Variants in LYPLA1 observed in about 807,000 individuals in gnomAD.
LYPLA1 encodes the protein lysophospholipase 1, also known as acyl-protein thioesterase 1.
A neutral mutation model predicts 34.0 loss-of-function variants in LYPLA1; 17 were observed. That is an observed-to-expected ratio of 0.50 (90% CI 0.34 to 0.75). The LOEUF is 0.75. LYPLA1 is among the 30% of genes least tolerant of loss of function. The probability of loss-of-function intolerance (pLI) is 0.01; values close to 1 mark genes in which losing one functional copy is unlikely to be tolerated. For missense variants in LYPLA1, 203 were observed against 288.8 expected, an observed-to-expected ratio of 0.70 and a Z score of 2.15; for synonymous variants, 98 against 100.8, an observed-to-expected ratio of 0.97 and a Z score of 0.17.
In LYPLA1 at chr8:54,053,256, G is replaced by A. The variant is rs943757120; in HGVS notation, c.361-500C>T. ...ATTACAGGCATGCACCACCACACCC[G>A]GCTAATTTTGTATTTTTGGTAGAGA... On this transcript the variant is annotated intron_variant, in intron 6 of 8. Transcript: ENST00000316963. 4 of 206,830 alleles carry A rather than the reference G, an allele frequency of 1.9e-5. No individual in the cohort carries two copies. In the East Asian group the frequency reaches 3.2e-4, roughly 17 times the overall value. The allele number at this position is 206,830 out of a possible 1,614,324, so 12.8% of individuals were successfully genotyped here. A position where few individuals can be genotyped will look rare whatever the true frequency, so the allele number is the denominator to read the frequency against.
chr8:54,085,998 G>A (rs1356365363), intron 2 of LYPLA1, among the ~76,000 whole-genome samples: 2 of 152,182 alleles, frequency 1.3e-5, no homozygotes, highest in African/African-American at 4.8e-5. Context: ...AGAAAACGGG[G>A]AAATGTGGGG....
intron 2 of LYPLA1, among the ~76,000 whole-genome samples, chr8:54,083,536 A>G (rs1250167366): frequency 6.6e-6 from 1 of 152,196 alleles, no homozygotes; most frequent in East Asian, 1.9e-4. Flanking sequence ...TCTGCAAAGG[A>G]CCAAAAGAGT....
At chr8:54,095,659 C>G (rs991173461) in intron 2 of LYPLA1, among the ~76,000 whole-genome samples, 1 of 152,072 alleles carries the variant, frequency 6.6e-6, no homozygotes, top group Non-Finnish European at 1.5e-5. Flanking sequence ...CACAGCAATA[C>G]CCCTATAGTG....
In LYPLA1 at chr8:54,061,162, C is replaced by T. The variant is rs540078661; in HGVS notation, c.286+1092G>A. 3.0e-4 allele frequency among the ~76,000 whole-genome samples: 46 copies of T among 151,806 alleles called. 1 individual carries two copies. Among genetic ancestry groups the T allele is most frequent in the African/African-American group, 1.0e-3 (42 of 41,360 alleles). On this transcript the variant is annotated intron_variant, in intron 5 of 8. Transcript: ENST00000316963. ...ATGGCGCAATCTCGGCTCACTGAAA[C>T]CTCTGCCTCCTGGGTTCAAGCGATT... is the stretch of plus-strand genomic sequence containing the variant.
intron 5 of LYPLA1, among the ~76,000 whole-genome samples, chr8:54,056,518 GGGAGA>G (rs1439773203): frequency 6.6e-6 from 1 of 152,124 alleles, no homozygotes; most frequent in Non-Finnish European, 1.5e-5. Flanking sequence ...CCCACAGAAT[GGGAGA>G]AAATATTTGG....
chr8:54,099,709 A>C (rs1356274092), intron 2 of LYPLA1, among the ~76,000 whole-genome samples: 4 of 148,444 alleles, frequency 2.7e-5, no homozygotes, highest in African/African-American at 9.9e-5. Flanking sequence ...TTTTTTTTTG[A>C]GTCTCACTCT....
intron 8 of LYPLA1, 27 bp from the exon 9 acceptor site, chr8:54,048,145 G>A: frequency 6.9e-7 from 1 of 1,444,260 alleles, no homozygotes; most frequent in Non-Finnish European, 9.7e-7. Context: ...AATTTAATAG[G>A]TAGGTAGTTA....
intron 2 of LYPLA1, among the ~76,000 whole-genome samples, chr8:54,070,586 G>C (rs138392896): frequency 6.5e-4 from 99 of 152,240 alleles, no homozygotes; most frequent in African/African-American, 2.3e-3. Context: ...AGCCAGGCTT[G>C]ATGGCGCATG....
intron 5 of LYPLA1, 142 bp downstream of exon 5, chr8:54,062,112 C>G: frequency 1.7e-6 from 1 of 577,452 alleles, no homozygotes; most frequent in Non-Finnish European, 3.0e-6. Flanking sequence ...CCCGCCTCTA[C>G]TTCCCAAAGT....
chr8:54,092,213 GAGA>G (rs1359646397), intron 2 of LYPLA1, among the ~76,000 whole-genome samples: 1 of 150,598 alleles, frequency 6.6e-6, no homozygotes, highest in East Asian at 2.0e-4. Context: ...AAAGACGGAA[GAGA>G]AGGAGGAGGA....
At chr8:54,043,465 G>A (rs544734721), downstream of LYPLA1, among the ~76,000 whole-genome samples, 2 of 151,990 alleles carry the variant, frequency 1.3e-5, no homozygotes, top group South Asian at 2.1e-4. Flanking sequence ...TAGTAGAGAC[G>A]GGGTTTCACC....
chr8:54,076,324 C>T (rs1366165959), intron 2 of LYPLA1, among the ~76,000 whole-genome samples: 3 of 152,216 alleles, frequency 2.0e-5, no homozygotes, highest in Non-Finnish European at 4.4e-5. Flanking sequence ...GACAAATTAG[C>T]AGCTAGTAAC....
At position 54,063,373 on chromosome 8, in the gene LYPLA1, G is replaced by T; in HGVS notation, c.170C>A (p.Pro57His). 6.5e-7 allele frequency: 1 copy of T among 1,531,310 alleles called. No homozygotes were observed. Among genetic ancestry groups the T allele is most frequent in the Non-Finnish European group, 8.8e-7 (1 of 1,136,696 alleles). 94.9% of individuals were successfully genotyped at this position (1,531,310 alleles called of 1,614,324 possible). A position where few individuals can be genotyped will look rare whatever the true frequency, so the allele number is the denominator to read the frequency against. The change falls in exon 4 of 9, where the codon CCT becomes CAT. Residue 57 changes from proline (P) to histidine (H), a missense_variant and splice_region_variant. Pro to His is a moderately conservative substitution (Grantham distance 77). Around this residue, in one of 3 missense-constraint regions of LYPLA1, gnomAD observed 75 missense variants for 73.5 expected, o/e 1.02. Coordinates refer to ENST00000316963, the MANE Select transcript of LYPLA1 (RefSeq NM_006330.4). Reference protein sequence around the residue: ...SHIKYICPHAPVRPVTLNMNV... With the variant: ...SHIKYICPHAHVRPVTLNMNV... Reference sequence around the variant, plus strand: ...CATATTTAATGTAACAGGCCTAACAGGCCTACATGGAAAAGAAAAAACAAC... The same window carrying T: ...CATATTTAATGTAACAGGCCTAACATGCCTACATGGAAAAGAAAAAACAAC...
At chr8:54,088,117 A>C (rs1175556376) in intron 2 of LYPLA1, among the ~76,000 whole-genome samples, 4 of 152,240 alleles carry the variant, frequency 2.6e-5, no homozygotes, top group African/African-American at 9.7e-5. Context: ...ACAGGCTATG[A>C]CCTAATGCTT....
chr8:54,086,903 C>T (rs1156561892), intron 2 of LYPLA1, among the ~76,000 whole-genome samples: 1 of 152,146 alleles, frequency 6.6e-6, no homozygotes, highest in Non-Finnish European at 1.5e-5. Context: ...ATCCTAAAAA[C>T]TACCAAACCA....
At chr8:54,071,256 A>G (rs771496744) in intron 2 of LYPLA1, among the ~76,000 whole-genome samples, 1 of 152,220 alleles carries the variant, frequency 6.6e-6, no homozygotes, top group Non-Finnish European at 1.5e-5. Flanking sequence ...CCAGAAAGGA[A>G]ACGGACACAG....
intron 2 of LYPLA1, among the ~76,000 whole-genome samples, chr8:54,072,246 T>C (rs551078874): frequency 2.5e-4 from 38 of 152,252 alleles, no homozygotes; most frequent in African/African-American, 7.2e-4. Context: ...TCAAGATGGA[T>C]TCAAGACTTA....
intron 1 of LYPLA1, 127 bp downstream of exon 1, chr8:54,101,628 C>A: frequency 8.7e-7 from 1 of 1,149,818 alleles, no homozygotes; most frequent in Non-Finnish European, 1.1e-6. Flanking sequence ...ATTCGCACCC[C>A]ACCCGGGCCG....
intron 2 of LYPLA1, among the ~76,000 whole-genome samples, chr8:54,099,973 C>T (rs1049519877): frequency 5.9e-5 from 9 of 152,100 alleles, no homozygotes; most frequent in African/African-American, 1.2e-4. Context: ...TGTGAGCCAC[C>T]GCGCCCGGCC....
Sources: gnomAD v4.1 joint callset for allele counts (sites outside exome capture counted in the v4.1 genomes callset) on GRCh38, gnomAD v4.1.1 for gene constraint, gnomAD v4.1.1 regional missense constraint, MANE v1.5 for transcripts, NCBI Gene and HGNC (gene_info 2026-07-23, HGNC 2026-07-21) for gene names.